Variants in RAP1GDS1 observed in about 807,000 individuals in gnomAD.
RAP1GDS1 encodes the protein RAP1, GTP-GDP dissociation stimulator 1.
Under a neutral mutation model 71.1 loss-of-function variants are expected in RAP1GDS1, and 35 were observed. The ratio of observed to expected loss-of-function variants is 0.49; its 90% CI spans 0.38 to 0.65. The LOEUF (loss-of-function observed/expected upper bound fraction) is 0.65, where lower values mean the gene tolerates loss of function less well. Ranked by LOEUF, RAP1GDS1 falls within the 30% of genes least tolerant of loss-of-function variation. The pLI is 0.00. For synonymous variants in RAP1GDS1, 229 were observed against 243.1 expected (o/e 0.94, Z 0.54); for missense variants, 663 against 706.1 (o/e 0.94, Z 0.69).
At chr4:98,300,441 G>A (rs1728409622) in intron 2 of RAP1GDS1, among the ~76,000 whole-genome samples, 1 of 149,504 alleles carries the variant, frequency 6.7e-6, no homozygotes, top group South Asian at 2.1e-4. Context: ...GCACTGTCAC[G>A]CAGGCTGGAG....
Position 98,442,186 on chromosome 4 carries a change from C to G in RAP1GDS1, c.*69C>G. ...CTGTCCTCCATCCAGCGGCTTCTTC[C>G]GCTTCATTCTCTACCATACCACTTG... On this transcript the variant is annotated 3_prime_UTR_variant, in exon 15 of 15. Transcript: ENST00000408927. The G allele has an allele frequency of 6.3e-7, 1 of 1,575,240 alleles. No homozygotes were observed. The highest frequency in any genetic ancestry group is 8.6e-7 in the Non-Finnish European group (1 of 1,163,556).
chr4:98,373,047 ATACT>A (rs1173764808), intron 4 of RAP1GDS1, among the ~76,000 whole-genome samples: 1 of 152,254 alleles, frequency 6.6e-6, no homozygotes, highest in African/African-American at 2.4e-5. Flanking sequence ...CTGTCTTAAC[ATACT>A]TTTATCATTT....
intron 4 of RAP1GDS1, among the ~76,000 whole-genome samples, chr4:98,363,478 CAAA>C (rs34393905): frequency 4.0e-3 from 151 of 37,696 alleles, no homozygotes; most frequent in African/African-American, 0.012. Flanking sequence ...GACCCTGTCT[CAAA>C]AAAAAAAAAA....
intron 1 of RAP1GDS1, among the ~76,000 whole-genome samples, chr4:98,285,830 T>C (rs1023822455): frequency 8.8e-5 from 13 of 147,436 alleles, no homozygotes; most frequent in Middle Eastern, 3.3e-3. Flanking sequence ...TAAATAATTA[T>C]AAATAAATTA....
chr4:98,266,381 T>TA (rs1722717570), intron 1 of RAP1GDS1, among the ~76,000 whole-genome samples: 1 of 152,138 alleles, frequency 6.6e-6, no homozygotes, highest in Non-Finnish European at 1.5e-5. Context: ...CTTTTACTCT[T>TA]AGACTTTGTG....
At chr4:98,271,679 A>G (rs1055868515) in intron 1 of RAP1GDS1, among the ~76,000 whole-genome samples, 1 of 152,184 alleles carries the variant, frequency 6.6e-6, no homozygotes, top group Non-Finnish European at 1.5e-5. Context: ...AAAATTTAAT[A>G]ATTATATCTC....
At chr4:98,431,861 T>C (rs991631573) in intron 12 of RAP1GDS1, among the ~76,000 whole-genome samples, 3 of 152,220 alleles carry the variant, frequency 2.0e-5, no homozygotes, top group Non-Finnish European at 4.4e-5. Flanking sequence ...TCCCATATTC[T>C]ATAAGGCAAA....
At chr4:98,335,320 C>T (rs1267965493) in intron 2 of RAP1GDS1, among the ~76,000 whole-genome samples, 1 of 152,116 alleles carries the variant, frequency 6.6e-6, no homozygotes, top group African/African-American at 2.4e-5. Context: ...GTTGGTCATG[C>T]AGTTGCTGGG....
At chr4:98,426,954 G>C (rs1749705763) in intron 12 of RAP1GDS1, among the ~76,000 whole-genome samples, 1 of 152,032 alleles carries the variant, frequency 6.6e-6, no homozygotes, top group Non-Finnish European at 1.5e-5. Context: ...GATGAACATA[G>C]ATACAAAAAT....
chr4:98,408,044 T>G (rs1746405512), intron 7 of RAP1GDS1, among the ~76,000 whole-genome samples: 1 of 151,660 alleles, frequency 6.6e-6, no homozygotes, highest in South Asian at 2.1e-4. Flanking sequence ...CCGCAGGTCT[T>G]ACAGCTATTA....
intron 4 of RAP1GDS1, among the ~76,000 whole-genome samples, chr4:98,378,565 T>G (rs1397102600): frequency 1.3e-5 from 2 of 152,024 alleles, no homozygotes; most frequent in Non-Finnish European, 2.9e-5. Flanking sequence ...CGTTCCCATA[T>G]GGTTTTCTTC....
At chr4:98,417,312 T>G in intron 8 of RAP1GDS1, 55 bp from the exon 9 acceptor site, 1 of 1,536,040 alleles carries the variant, frequency 6.5e-7, no homozygotes, top group Non-Finnish European at 8.9e-7. Flanking sequence ...GAATGTGAAT[T>G]TGTTACTCCT....
intron 3 of RAP1GDS1, among the ~76,000 whole-genome samples, chr4:98,345,961 G>T (rs1171229107): frequency 6.6e-6 from 1 of 152,122 alleles, no homozygotes; most frequent in Admixed American, 6.6e-5. Flanking sequence ...ACTGCTTTAT[G>T]TCTGTTCCTC....
chr4:98,434,234 C>A (rs909758027), intron 13 of RAP1GDS1, among the ~76,000 whole-genome samples, 172 bp downstream of exon 13: 5 of 152,136 alleles, frequency 3.3e-5, no homozygotes, highest in African/African-American at 1.2e-4. Flanking sequence ...CAGCTGTCCC[C>A]TTTGGCTGTG....
chr4:98,298,374 G>A (rs1401185884), intron 2 of RAP1GDS1, among the ~76,000 whole-genome samples: 3 of 152,176 alleles, frequency 2.0e-5, no homozygotes, highest in African/African-American at 7.2e-5. Context: ...TTTATAACTA[G>A]GGTGGAGAGG....
chr4:98,318,032 G>A (rs938910393), intron 2 of RAP1GDS1, among the ~76,000 whole-genome samples: 2 of 151,848 alleles, frequency 1.3e-5, no homozygotes, highest in South Asian at 2.1e-4. Flanking sequence ...TAGTAGAGAC[G>A]GGGTTTCACC....
chr4:98,285,293 G>A (rs1043906580), intron 1 of RAP1GDS1, among the ~76,000 whole-genome samples: 1 of 152,018 alleles, frequency 6.6e-6, no homozygotes, highest in Non-Finnish European at 1.5e-5. Flanking sequence ...TTCTTTACTT[G>A]TTCTTTATTC....
intron 4 of RAP1GDS1, among the ~76,000 whole-genome samples, chr4:98,361,321 A>G (rs1738718034): frequency 6.6e-6 from 1 of 152,048 alleles, no homozygotes; most frequent in Non-Finnish European, 1.5e-5. Flanking sequence ...TTGATCTTGA[A>G]CAATTGGAGT....
intron 4 of RAP1GDS1, among the ~76,000 whole-genome samples, chr4:98,354,652 CTA>C (rs1441739976): frequency 6.6e-6 from 1 of 152,010 alleles, no homozygotes; most frequent in Non-Finnish European, 1.5e-5. Context: ...TTTATCATAT[CTA>C]TTTATCTTAT....
Sources: gnomAD v4.1 joint callset for allele counts (sites outside exome capture counted in the v4.1 genomes callset) on GRCh38, gnomAD v4.1.1 for gene constraint, MANE v1.5 for transcripts, NCBI Gene and HGNC (gene_info 2026-07-23, HGNC 2026-07-21) for gene names.